PCDH9: variants seen among roughly 807,000 people sequenced by gnomAD.
PCDH9 encodes protocadherin 9.
Under a neutral mutation model 70.6 loss-of-function variants are expected in PCDH9, and 24 were observed. The ratio of observed to expected loss-of-function variants is 0.34; its 90% CI spans 0.25 to 0.48. The LOEUF (loss-of-function observed/expected upper bound fraction) is 0.48, where lower values mean the gene tolerates loss of function less well. Ranked by LOEUF, PCDH9 falls within the 20% of genes least tolerant of loss-of-function variation. PCDH9 has a pLI of 0.99. For synonymous variants in PCDH9, 562 were observed against 558.5 expected, an observed-to-expected ratio of 1.01 and a Z score of -0.09; for missense variants, 1,281 against 1,503.6, an observed-to-expected ratio of 0.85 and a Z score of 2.45.
At chr13:66,892,308 T>C (rs1165551407) in intron 3 of PCDH9, among the ~76,000 whole-genome samples, 2 of 150,664 alleles carry the variant, frequency 1.3e-5, no homozygotes, top group Admixed American at 6.6e-5. Context: ...CTTTATCAAG[T>C]ATACTTTAAA....
intron 2 of PCDH9, among the ~76,000 whole-genome samples, chr13:67,126,163 T>G (rs1012452871): frequency 2.7e-4 from 41 of 152,286 alleles, no homozygotes; most frequent in Admixed American, 1.6e-3. Context: ...CTTTCAGACT[T>G]TACACTGTGG....
At chr13:67,050,893 T>C (rs1305561971) in intron 2 of PCDH9, among the ~76,000 whole-genome samples, 13 of 152,046 alleles carry the variant, frequency 8.6e-5, no homozygotes. Flanking sequence ...TGATTCAATA[T>C]CACCCTACTG....
intron 4 of PCDH9, among the ~76,000 whole-genome samples, chr13:66,346,611 T>C (rs540480785): frequency 2.0e-5 from 3 of 152,186 alleles, no homozygotes; most frequent in African/African-American, 4.8e-5. Context: ...CCCCATTCTA[T>C]GGCCTATGGC....
At chr13:66,572,194 A>G (rs1021059184) in intron 4 of PCDH9, among the ~76,000 whole-genome samples, 1 of 152,172 alleles carries the variant, frequency 6.6e-6, no homozygotes, top group Non-Finnish European at 1.5e-5. Context: ...ACCCACCACT[A>G]TCAAACATTG....
At chr13:66,892,382 T>C (rs77014078) in intron 3 of PCDH9, among the ~76,000 whole-genome samples, 5,331 of 151,866 alleles carry the variant, frequency 0.035, 301 homozygotes, top group African/African-American at 0.12. Context: ...ATGTCCATTT[T>C]ATGCAAAATT....
chr13:66,346,947 A>G (rs1481244120), intron 4 of PCDH9, among the ~76,000 whole-genome samples: 1 of 152,216 alleles, frequency 6.6e-6, no homozygotes, highest in East Asian at 1.9e-4. Flanking sequence ...GGAAATACAA[A>G]TGCTAATTTC....
intron 2 of PCDH9, among the ~76,000 whole-genome samples, chr13:66,958,072 A>T (rs2139717957): frequency 6.6e-6 from 1 of 152,314 alleles, no homozygotes; most frequent in East Asian, 1.9e-4. Flanking sequence ...GTAGAAGAGG[A>T]AGAATTATAC....
chr13:66,981,570 T>C (rs1434383059), intron 2 of PCDH9, among the ~76,000 whole-genome samples: 1 of 152,082 alleles, frequency 6.6e-6, no homozygotes. Context: ...TTAAACTTAT[T>C]GAATTATTAC....
In PCDH9 at chr13:66,302,847, A is replaced by T. The variant is rs372853408; in HGVS notation, c.*1808T>A. ...AACACACTGCAATCAGGAATTCAGA[A>T]CATTTATTGCAAGAGCTGAATAATT... On this transcript the variant is annotated 3_prime_UTR_variant, in exon 5 of 5. Coordinates refer to ENST00000377865, the MANE Select transcript of PCDH9 (RefSeq NM_203487.3). 1 of 152,564 alleles carries T rather than the reference A, an allele frequency of 6.6e-6. No individual in the cohort carries two copies. The highest frequency in any genetic ancestry group is 2.4e-5 in the African/African-American group (1 of 41,454). The allele number at this position is 152,564 out of a possible 1,614,324, so 9.5% of individuals were successfully genotyped here.
chr13:66,890,448 C>CTT (rs36076373), intron 3 of PCDH9, among the ~76,000 whole-genome samples: 1,052 of 100,302 alleles, frequency 0.01, 10 homozygotes, highest in African/African-American at 0.023. Flanking sequence ...GACTTCTGAA[C>CTT]TTTTTTTTTT....
At chr13:67,168,471 T>A (rs1159500449) in intron 2 of PCDH9, among the ~76,000 whole-genome samples, 1 of 152,140 alleles carries the variant, frequency 6.6e-6, no homozygotes. Context: ...CTCACACTTG[T>A]CATCCCAACA....
Position 66,645,812 on chromosome 13 carries a change from A to G in PCDH9, c.3139-14401T>C, listed in dbSNP as rs565158565. 8.3e-4 allele frequency among the ~76,000 whole-genome samples: 127 copies of G among 152,268 alleles called. No individual in the cohort carries two copies. The Middle Eastern group carries it at 0.01, about 12-fold the overall frequency. On this transcript the variant is annotated intron_variant, in intron 3 of 4. Transcript: ENST00000377865. ...ATTCATAATGTTTATAAAGTAGTAA[A>G]TGAAATAGAATAGAACCAGTAATTA...
chr13:66,850,163 A>G (rs1420535920), intron 3 of PCDH9, among the ~76,000 whole-genome samples: 1 of 152,190 alleles, frequency 6.6e-6, no homozygotes, highest in Non-Finnish European at 1.5e-5. Flanking sequence ...TTGCTTAAGA[A>G]CACTAAAGTG....
intron 4 of PCDH9, among the ~76,000 whole-genome samples, chr13:66,348,778 T>C (rs1242420542): frequency 6.6e-6 from 1 of 151,502 alleles, no homozygotes; most frequent in East Asian, 1.9e-4. Flanking sequence ...TTGCAATCAG[T>C]ACCTACTTCT....
intron 3 of PCDH9, among the ~76,000 whole-genome samples, chr13:66,659,115 G>A (rs988106098): frequency 1.3e-5 from 2 of 152,044 alleles, no homozygotes; most frequent in Admixed American, 6.6e-5. Context: ...CACAGATGAT[G>A]AGAAAATTAA....
chr13:66,571,107 T>A (rs557984636), intron 4 of PCDH9, among the ~76,000 whole-genome samples: 65 of 152,194 alleles, frequency 4.3e-4, no homozygotes, highest in African/African-American at 1.5e-3. Context: ...CAAGAATTGT[T>A]GCTTTGTCAA....
chr13:66,402,479 G>A (rs886772369), intron 4 of PCDH9, among the ~76,000 whole-genome samples: 7 of 151,912 alleles, frequency 4.6e-5, no homozygotes, highest in Non-Finnish European at 8.8e-5. Flanking sequence ...AAATGTCAGT[G>A]TAACTTAGAT....
intron 2 of PCDH9, among the ~76,000 whole-genome samples, chr13:66,961,579 A>G (rs962867000): frequency 3.3e-5 from 5 of 152,196 alleles, no homozygotes; most frequent in African/African-American, 1.2e-4. Flanking sequence ...GGGTTACTTG[A>G]GCCCAGGAGT....
At chr13:67,097,942 T>C (rs187550696) in intron 2 of PCDH9, among the ~76,000 whole-genome samples, 251 of 152,216 alleles carry the variant, frequency 1.6e-3, no homozygotes, top group Non-Finnish European at 2.2e-3. Flanking sequence ...CACTCATAAA[T>C]AAAAAGTTAT....
Sources: gnomAD v4.1 joint callset for allele counts (sites outside exome capture counted in the v4.1 genomes callset) on GRCh38, gnomAD v4.1.1 for gene constraint, MANE v1.5 for transcripts, NCBI Gene and HGNC (gene_info 2026-07-23, HGNC 2026-07-21) for gene names.